The following AGMO variants were observed in gnomAD, a reference collection of about 807,000 sequenced individuals.
The protein encoded by AGMO is alkylglycerol monooxygenase, also known as glyceryl-ether monooxygenase.
A neutral mutation model predicts 60.2 loss-of-function variants in AGMO; 75 were observed. The ratio of observed to expected loss-of-function variants is 1.25; its 90% CI spans 1.03 to 1.51. The LOEUF is 1.51. Among genes scored for constraint, AGMO ranks in the 40% most tolerant of loss-of-function variants. The pLI, the probability that AGMO is intolerant of heterozygous loss-of-function variation, is 0.00. For missense variants in AGMO, 763 were observed against 525.5 expected, an observed-to-expected ratio of 1.45 and a Z score of -4.42; for synonymous variants, 261 against 177.1, an observed-to-expected ratio of 1.47 and a Z score of -3.76.
chr7:15,483,435 G>A (rs1162069564), intron 3 of AGMO, among the ~76,000 whole-genome samples: 1 of 152,016 alleles, frequency 6.6e-6, no homozygotes, highest in Non-Finnish European at 1.5e-5. Flanking sequence ...GCGTGGTGGC[G>A]GGCGCCTGCA....
chr7:15,168,599 G>T, the AGMO span, among the ~76,000 whole-genome samples: 45 of 152,286 alleles, frequency 3.0e-4, no homozygotes, highest in African/African-American at 1.1e-3. Context: ...CTCTGCATTG[G>T]CTAATAACAT....
chr7:15,149,929 G>A, the AGMO span, among the ~76,000 whole-genome samples: 1 of 152,076 alleles, frequency 6.6e-6, no homozygotes, highest in Admixed American at 6.6e-5. Context: ...TAACAAAATT[G>A]ATTATTCCTA....
rs759910764 is a variant in AGMO at position 15,201,349 on chromosome 7, G to C, written c.1274C>G (p.Ser425Cys). 3 of 1,608,818 alleles carry C rather than the reference G, an allele frequency of 1.9e-6. No individual in the cohort carries two copies. The highest frequency in any genetic ancestry group is 2.5e-6 in the Non-Finnish European group (3 of 1,177,242). The change falls in exon 13 of 13, where the codon TCC becomes TGC. Residue 425 changes from serine (S) to cysteine (C), a missense_variant. Ser to Cys is a moderately radical substitution (Grantham distance 112). Transcript: ENST00000342526. Reference protein sequence around the residue: ...SLSSAFEIVFSICIAFWGVRS... With the variant: ...SLSSAFEIVFCICIAFWGVRS... Reference sequence around the variant, plus strand: ...AACTCCCCAGAAAGCAATGCAAATGGAAAAAACAATCTGAAGAAATAAAAC... The same window carrying C: ...AACTCCCCAGAAAGCAATGCAAATGCAAAAAACAATCTGAAGAAATAAAAC...
chr7:15,189,334 T>C, the AGMO span, among the ~76,000 whole-genome samples: 1 of 152,118 alleles, frequency 6.6e-6, no homozygotes, highest in Admixed American at 6.6e-5. Context: ...TTAAGTTTTT[T>C]TTTTCTTTTC....
intron 2 of AGMO, among the ~76,000 whole-genome samples, chr7:15,554,176 C>G (rs1328689690): frequency 6.6e-6 from 1 of 152,020 alleles, no homozygotes; most frequent in East Asian, 1.9e-4. Flanking sequence ...GAATCATAAA[C>G]CAAAGTTCCT....
At chr7:15,295,994 A>C (rs979654677) in intron 12 of AGMO, among the ~76,000 whole-genome samples, 3 of 152,142 alleles carry the variant, frequency 2.0e-5, no homozygotes, top group African/African-American at 7.2e-5. Flanking sequence ...AAAATCAGAT[A>C]ATTTTGTTGT....
chr7:15,129,954 A>C, the AGMO span, among the ~76,000 whole-genome samples: 1 of 152,086 alleles, frequency 6.6e-6, no homozygotes, highest in East Asian at 1.9e-4. Context: ...AGTAATCCCA[A>C]GGGTTTAATT....
chr7:15,233,907 C>A (rs947950248), intron 12 of AGMO, among the ~76,000 whole-genome samples: 3 of 151,926 alleles, frequency 2.0e-5, no homozygotes, highest in African/African-American at 7.3e-5. Flanking sequence ...ATTAGCTGGG[C>A]GTGGTGGTGC....
intron 12 of AGMO, among the ~76,000 whole-genome samples, chr7:15,252,192 T>C (rs142087263): frequency 1.8e-4 from 27 of 152,246 alleles, no homozygotes; most frequent in African/African-American, 6.3e-4. Flanking sequence ...ATGTAAGAAG[T>C]TGGTAAGTAT....
intron 12 of AGMO, among the ~76,000 whole-genome samples, chr7:15,244,828 AT>A (rs1354028208): frequency 2.0e-5 from 3 of 151,650 alleles, no homozygotes; most frequent in African/African-American, 7.3e-5. Context: ...ATTTTTTTGT[AT>A]TTTTAGTAGA....
chr7:15,547,008 C>A (rs892313821), intron 2 of AGMO, among the ~76,000 whole-genome samples: 1 of 152,130 alleles, frequency 6.6e-6, no homozygotes, highest in African/African-American at 2.4e-5. Flanking sequence ...TTAAAAATGG[C>A]AAATAACATT....
At chr7:15,207,177 T>A (rs1781461291) in intron 12 of AGMO, among the ~76,000 whole-genome samples, 1 of 152,182 alleles carries the variant, frequency 6.6e-6, no homozygotes, top group Non-Finnish European at 1.5e-5. Flanking sequence ...CTCCAGAGCC[T>A]ACCCATAATT....
At chr7:15,223,267 T>C (rs146711211) in intron 12 of AGMO, among the ~76,000 whole-genome samples, 120 of 152,076 alleles carry the variant, frequency 7.9e-4, no homozygotes, top group African/African-American at 2.5e-3. Flanking sequence ...CAATTTAGTA[T>C]TAACACTATA....
At chr7:15,424,391 C>A (rs1446738626) in intron 4 of AGMO, among the ~76,000 whole-genome samples, 1 of 152,094 alleles carries the variant, frequency 6.6e-6, no homozygotes, top group South Asian at 2.1e-4. Context: ...AAATTTTTAG[C>A]CACTTGTACA....
intron 3 of AGMO, among the ~76,000 whole-genome samples, chr7:15,459,594 TGC>T (rs200408516): frequency 2.3e-4 from 34 of 144,784 alleles, no homozygotes; most frequent in Non-Finnish European, 3.8e-4. Flanking sequence ...TGTGTGTATG[TGC>T]GTTTGTGTGT....
At chr7:15,267,373 C>A (rs1783463380) in intron 12 of AGMO, among the ~76,000 whole-genome samples, 1 of 151,926 alleles carries the variant, frequency 6.6e-6, no homozygotes, top group African/African-American at 2.4e-5. Flanking sequence ...AAAACTCCAT[C>A]TGTTTTTAAA....
intron 4 of AGMO, among the ~76,000 whole-genome samples, chr7:15,428,242 C>T (rs77865770): frequency 6.6e-6 from 1 of 152,062 alleles, no homozygotes; most frequent in Non-Finnish European, 1.5e-5. Flanking sequence ...TTAACCATCA[C>T]AGGCCCTTAA....
Position 15,418,578 on chromosome 7 carries a change from G to T in AGMO, c.589C>A (p.Gln197Lys), listed in dbSNP as rs1780842548. The T allele has an allele frequency of 6.3e-7, 1 of 1,588,374 alleles. No homozygotes were observed. The highest frequency in any genetic ancestry group is 8.6e-7 in the Non-Finnish European group (1 of 1,169,102). The change falls in exon 5 of 13, where the codon CAA becomes AAA. Residue 197 changes from glutamine to lysine, a missense_variant. Coordinates refer to ENST00000342526, the MANE Select transcript of AGMO (RefSeq NM_001004320.2). ...AVHLQFNLLY[Q>K]FWIHTEVINN... Reference sequence around the variant, plus strand: ...TTTACCTCTGTATGGATCCAAAATTGGTAAAGAAGATTGAATTGAAGATGA... The same window carrying T: ...TTTACCTCTGTATGGATCCAAAATTTGTAAAGAAGATTGAATTGAAGATGA...
chr7:15,386,451 C>A (rs7792408), intron 9 of AGMO, among the ~76,000 whole-genome samples: 84,794 of 151,880 alleles, frequency 0.56, 25,033 homozygotes, highest in Non-Finnish European at 0.68. Context: ...AATAATAAAT[C>A]GATCATAGCA....
Sources: allele counts gnomAD v4.1 joint callset (sites outside exome capture counted in the v4.1 genomes callset), GRCh38; gene constraint gnomAD v4.1.1; transcripts MANE v1.5; gene names NCBI Gene and HGNC (gene_info 2026-07-23, HGNC 2026-07-21).